Variants in PPEF2 observed in about 807,000 individuals in gnomAD.
PPEF2 encodes the protein serine/threonine-protein phosphatase with EF-hands 2.
A neutral mutation model predicts 84.7 loss-of-function variants in PPEF2; 84 were observed. The observed-to-expected ratio is 0.99, with a 90% CI of 0.83 to 1.19. The LOEUF is 1.19. Ranked by LOEUF, PPEF2 falls within the 50% of genes most tolerant of loss-of-function variation. The pLI, the probability that PPEF2 is intolerant of heterozygous loss-of-function variation, is 0.00. For synonymous variants in PPEF2, 346 were observed against 345.2 expected, an observed-to-expected ratio of 1.00 and a Z score of -0.03; for missense variants, 924 against 937.5, an observed-to-expected ratio of 0.99 and a Z score of 0.19.
chr4:75,860,979 T>C (rs945574645), intron 16 of PPEF2, 59 bp from the exon 17 acceptor site: 76 of 1,571,178 alleles, frequency 4.8e-5, no homozygotes, highest in Non-Finnish European at 6.3e-5. Context: ...GTTCATTTTC[T>C]CTGACATTCT....
At chr4:75,874,785 C>T (rs1422723712) in intron 11 of PPEF2, among the ~76,000 whole-genome samples, 1 of 152,254 alleles carries the variant, frequency 6.6e-6, no homozygotes, top group Non-Finnish European at 1.5e-5. Flanking sequence ...CCATCTCTTT[C>T]TCCGAGGCTT....
intron 1 of PPEF2, among the ~76,000 whole-genome samples, chr4:75,900,260 A>G (rs1378254386): frequency 6.6e-6 from 1 of 152,196 alleles, no homozygotes; most frequent in East Asian, 1.9e-4. Context: ...TCATGAATTT[A>G]TAAATTCAAA....
At position 75,860,268 on chromosome 4, in the gene PPEF2, G is replaced by C. The variant is rs1243191186; in HGVS notation, c.*399C>G. The C allele has an allele frequency of 1.0e-5, 2 of 191,514 alleles. No individual in the cohort carries two copies. The highest frequency in any genetic ancestry group is 2.2e-5 in the Non-Finnish European group (2 of 92,746). The allele number at this position is 191,514 out of a possible 1,614,324, so 11.9% of individuals were successfully genotyped here. A position where few individuals can be genotyped will look rare whatever the true frequency, so the allele number is the denominator to read the frequency against. On this transcript the variant is annotated 3_prime_UTR_variant, in exon 17 of 17. Coordinates refer to ENST00000286719, the MANE Select transcript of PPEF2 (RefSeq NM_006239.3). ...GAGGCTGAGGCAGGAGAATCGCCTG[G>C]GAGGCGGACTTTGCGGTGAGCCGAG...
At position 75,872,193 on chromosome 4, in the gene PPEF2, GT is replaced by G. The variant is rs746471265; in HGVS notation, c.1507-27del. The G allele has an allele frequency of 5.4e-5, 86 of 1,605,094 alleles. 1 individual carries two copies. Among genetic ancestry groups the G allele is most frequent in the Admixed American group, 1.0e-4 (6 of 58,374 alleles). On this transcript the variant is annotated intron_variant, in intron 12 of 16. Transcript: ENST00000286719. ...CTACATCAAAACAGAAGAGAGACAG[GT>G]GTTCACATTCACTGAAGAAACCTTC...
In PPEF2 at chr4:75,883,086, T is replaced by A. The variant is rs750955090; in HGVS notation, c.784-11A>T. The A allele has an allele frequency of 6.2e-7, 1 of 1,613,690 alleles. No individual in the cohort carries two copies. The highest frequency in any genetic ancestry group is 8.5e-7 in the Non-Finnish European group (1 of 1,179,766). On this transcript the variant is annotated splice_polypyrimidine_tract_variant and intron_variant, in intron 9 of 16. Transcript: ENST00000286719. ...TTCCTTCCCGTGTACCTGGAAAAAA[T>A]GATATAAACAAAATGTTATCAAATA...
At chr4:75,886,719 T>G in intron 7 of PPEF2, 133 bp downstream of exon 7, 1 of 431,032 alleles carries the variant, frequency 2.3e-6, no homozygotes, top group Non-Finnish European at 4.0e-6. Flanking sequence ...GACCCCCATC[T>G]CAAAAAAATA....
At chr4:75,870,485 C>T (rs1724238753) in intron 13 of PPEF2, among the ~76,000 whole-genome samples, 1 of 152,190 alleles carries the variant, frequency 6.6e-6, no homozygotes, top group African/African-American at 2.4e-5. Context: ...TCTCTATCCA[C>T]CTGATTTATG....
At chr4:75,896,726 G>T (rs1261202707) in intron 1 of PPEF2, among the ~76,000 whole-genome samples, 1 of 152,144 alleles carries the variant, frequency 6.6e-6, no homozygotes, top group Non-Finnish European at 1.5e-5. Flanking sequence ...CTCAAGGGTA[G>T]ACTACAGTTT....
At chr4:75,889,753 G>A (rs1283885907) in intron 5 of PPEF2, among the ~76,000 whole-genome samples, 1 of 152,184 alleles carries the variant, frequency 6.6e-6, no homozygotes, top group Non-Finnish European at 1.5e-5. Flanking sequence ...GAGAGATTAT[G>A]TGATTAGGAA....
At chr4:75,893,831 G>GCAGAAGTGGGCAACAC (rs1724947294) in intron 2 of PPEF2, among the ~76,000 whole-genome samples, 1 of 151,256 alleles carries the variant, frequency 6.6e-6, no homozygotes, top group African/African-American at 2.4e-5. Context: ...GGCTACTCAG[G>GCAGAAGTGGGCAACAC]CAGCAGAAGT....
chr4:75,901,202 C>T (rs998888606), intron 1 of PPEF2, among the ~76,000 whole-genome samples: 3 of 152,198 alleles, frequency 2.0e-5, no homozygotes, highest in South Asian at 2.1e-4. Context: ...TACGGACAAG[C>T]AGAGAACATT....
At position 75,860,895 on chromosome 4, in the gene PPEF2, C is replaced by G. The variant is rs1377194245; in HGVS notation, c.2034G>C (p.Arg678Ser). ...HSGFISLDEF[R>S]QTWKLFSSHM... is the part of the protein sequence containing the mutation. Reference sequence around the variant, plus strand: ...GAGAGCTGAACAGCTTCCAGGTCTGCCTGAACTCGTCCAGTGAGATGAACC... The same window carrying G: ...GAGAGCTGAACAGCTTCCAGGTCTGGCTGAACTCGTCCAGTGAGATGAACC... The change falls in exon 17 of 17, where the codon AGG becomes AGC. Residue 678 changes from arginine to serine, a missense_variant. By Grantham distance (110) the Arg-to-Ser change is moderately radical. Transcript: ENST00000286719. 2 of 1,614,032 alleles carry G rather than the reference C, an allele frequency of 1.2e-6. No individual in the cohort carries two copies. Among genetic ancestry groups the G allele is most frequent in the Non-Finnish European group, 1.7e-6 (2 of 1,180,012 alleles).
rs1005732765 is a variant in PPEF2 at position 75,860,411 on chromosome 4, T to C, written c.*256A>G. 1.4e-5 allele frequency: 7 copies of C among 495,042 alleles called. No homozygotes were observed. Among genetic ancestry groups the C allele is most frequent in the African/African-American group, 7.7e-5 (4 of 52,116 alleles). The allele number at this position is 495,042 out of a possible 1,614,324, so 30.7% of individuals were successfully genotyped here. A position where few individuals can be genotyped will look rare whatever the true frequency, so the allele number is the denominator to read the frequency against. Reference sequence around the variant, plus strand: ...AGTGGTTCTTAACTGAAGTGGACTTTAGAATTTGAAAACACTATACCTAAG... The same window carrying C: ...AGTGGTTCTTAACTGAAGTGGACTTCAGAATTTGAAAACACTATACCTAAG... On this transcript the variant is annotated 3_prime_UTR_variant, in exon 17 of 17. Transcript: ENST00000286719.
chr4:75,901,844 G>A (rs886294713), intron 1 of PPEF2, among the ~76,000 whole-genome samples: 1 of 152,162 alleles, frequency 6.6e-6, no homozygotes, highest in African/African-American at 2.4e-5. Flanking sequence ...GCATGCCTGT[G>A]GTTCCAGCTA....
At position 75,867,406 on chromosome 4, in the gene PPEF2, C is replaced by T; in HGVS notation, c.1663G>A (p.Glu555Lys). The change falls in exon 14 of 17, where the codon GAG (glutamate) becomes AAG (lysine). Residue 555 changes from glutamate to lysine, a missense_variant. Glu to Lys is a moderately conservative substitution (Grantham distance 56). Coordinates refer to ENST00000286719, the MANE Select transcript of PPEF2 (RefSeq NM_006239.3). ...LTMRQRISRV[E>K]ESALRALREK... The stretch of plus-strand genomic sequence containing the variant: ...CTCAGAGCTCTCAGAGCCGACTCCT[C>T]CACTCTGCTAATCCTGGGACAGGAG... 8.7e-6 allele frequency: 14 copies of T among 1,613,266 alleles called. No individual in the cohort carries two copies. The highest frequency in any genetic ancestry group is 1.1e-5 in the Non-Finnish European group (13 of 1,179,336).
intron 7 of PPEF2, among the ~76,000 whole-genome samples, chr4:75,885,629 T>A (rs1210928598): frequency 1.3e-5 from 2 of 152,176 alleles, no homozygotes; most frequent in Non-Finnish European, 2.9e-5. Context: ...CTTTGGGAGC[T>A]GAGGTGAGTG....
At chr4:75,879,845 T>G (rs1232602165) in intron 10 of PPEF2, among the ~76,000 whole-genome samples, 9 of 151,786 alleles carry the variant, frequency 5.9e-5, no homozygotes, top group African/African-American at 2.2e-4. Flanking sequence ...TTTATTTTTT[T>G]TTTGAGATAG....
intron 13 of PPEF2, among the ~76,000 whole-genome samples, chr4:75,870,336 C>T (rs1257818288): frequency 6.6e-6 from 1 of 152,168 alleles, no homozygotes; most frequent in Admixed American, 6.5e-5. Flanking sequence ...GTAGGTCTGA[C>T]ATTCACTTGG....
At chr4:75,894,822 GTC>G (rs1157318092) in intron 2 of PPEF2, among the ~76,000 whole-genome samples, 2 of 152,354 alleles carry the variant, frequency 1.3e-5, no homozygotes, top group East Asian at 3.9e-4. Flanking sequence ...GAGATAGAAA[GTC>G]TCAGCCTGTG....
Sources: gnomAD v4.1 joint callset for allele counts (sites outside exome capture counted in the v4.1 genomes callset) on GRCh38, gnomAD v4.1.1 for gene constraint, MANE v1.5 for transcripts, NCBI Gene and HGNC (gene_info 2026-07-23, HGNC 2026-07-21) for gene names.